The following SMURF2 variants were observed in gnomAD, a reference collection of about 807,000 sequenced individuals.
The protein encoded by SMURF2 is E3 ubiquitin-protein ligase SMURF2.
A neutral mutation model predicts 109.6 loss-of-function variants in SMURF2; 48 were observed. The ratio of observed to expected loss-of-function variants is 0.44; its 90% CI spans 0.35 to 0.56. The LOEUF is 0.56. Among genes scored for constraint, SMURF2 ranks in the 20% least tolerant of loss-of-function variants. The probability of loss-of-function intolerance (pLI) is 0.01; values close to 1 mark genes in which losing one functional copy is unlikely to be tolerated. For synonymous variants in SMURF2, 288 were observed against 317.1 expected (o/e 0.91, Z 0.97); for missense variants, 575 against 909.0 (o/e 0.63, Z 4.72).
At chr17:64,617,822 T>G (rs894217490) in intron 1 of SMURF2, among the ~76,000 whole-genome samples, 2 of 152,214 alleles carry the variant, frequency 1.3e-5, no homozygotes, top group Non-Finnish European at 2.9e-5. Context: ...AAACAACTTT[T>G]AAGTAACTAC....
At chr17:64,636,217 T>C (rs1555692056) in intron 1 of SMURF2, among the ~76,000 whole-genome samples, 1 of 152,168 alleles carries the variant, frequency 6.6e-6, no homozygotes, top group Non-Finnish European at 1.5e-5. Flanking sequence ...CCTCAGCCTC[T>C]CAAGTAGCTG....
At chr17:64,562,334 C>T (rs569289704) in intron 11 of SMURF2, among the ~76,000 whole-genome samples, 1 of 142,718 alleles carries the variant, frequency 7.0e-6, no homozygotes, top group Non-Finnish European at 1.5e-5. Flanking sequence ...GAAAAATTAG[C>T]ACTCTCGGTA....
chr17:64,575,116 TAA>T (rs555685824), intron 9 of SMURF2, among the ~76,000 whole-genome samples: 5 of 143,478 alleles, frequency 3.5e-5, no homozygotes, highest in African/African-American at 7.6e-5. Context: ...TTAGTAAGCT[TAA>T]AAAAAAAAAA....
chr17:64,656,819 T>C (rs1970712275), intron 1 of SMURF2, among the ~76,000 whole-genome samples: 1 of 152,222 alleles, frequency 6.6e-6, no homozygotes. Context: ...GTCTTCATGG[T>C]TCCCATTCCA....
intron 6 of SMURF2, among the ~76,000 whole-genome samples, chr17:64,584,378 G>A (rs1308506140): frequency 2.3e-5 from 1 of 42,752 alleles, no homozygotes; most frequent in Non-Finnish European, 4.1e-5. Context: ...TTTTTTTTTT[G>A]AGACAGAGTC....
Position 64,547,804 on chromosome 17 carries a change from G to A in SMURF2, c.1870-3C>T. On this transcript the variant is annotated splice_region_variant and splice_polypyrimidine_tract_variant and intron_variant, in intron 16 of 18. Coordinates refer to ENST00000262435, the MANE Select transcript of SMURF2 (RefSeq NM_022739.4). The surrounding 1 kb of genome is among the most constrained non-coding windows in gnomAD (Gnocchi z 4.2). The stretch of plus-strand genomic sequence containing the variant: ...TTTCCAAGTCCACAAATAATGAGCT[G>A]TGAAAATAGTACACAGTAATGAACC... The A allele has an allele frequency of 6.2e-7, 1 of 1,613,898 alleles. No individual in the cohort carries two copies. The highest frequency in any genetic ancestry group is 8.5e-7 in the Non-Finnish European group (1 of 1,179,782).
Position 64,555,972 on chromosome 17 carries a change from A to C in SMURF2, c.1458T>G (p.Val486=). Residue 486 remains valine (V), a synonymous_variant, in exon 14 of 19, where the codon GTT becomes GTG. Coordinates refer to ENST00000262435, the MANE Select transcript of SMURF2 (RefSeq NM_022739.4). ...ACACAGCCATTCCCATTATTCGTCC[A>C]ACAAAGTGGAAATAGGATAAATGTT... The part of the protein sequence containing the change: ...NPEHLSYFHF[V]GRIMGMAVFH... The C allele has an allele frequency of 6.2e-7, 1 of 1,612,350 alleles. No individual in the cohort carries two copies. The highest frequency in any genetic ancestry group is 8.5e-7 in the Non-Finnish European group (1 of 1,179,012).
intron 1 of SMURF2, among the ~76,000 whole-genome samples, chr17:64,611,765 C>T (rs1970047720): frequency 6.6e-6 from 1 of 152,114 alleles, no homozygotes; most frequent in Non-Finnish European, 1.5e-5. Flanking sequence ...TAAGTCTTTC[C>T]ATCCATTTCC....
intron 1 of SMURF2, among the ~76,000 whole-genome samples, chr17:64,640,023 A>G (rs189032704): frequency 2.0e-4 from 30 of 152,342 alleles, no homozygotes; most frequent in Non-Finnish European, 3.8e-4. Context: ...TTAATAGGGA[A>G]AACTGGTTAT....
chr17:64,562,933 C>G lies in SMURF2; in HGVS notation c.1050G>C (p.Gln350His), dbSNP rs1598272669. ...CATCAGGACATAACGATACCACTTG[C>G]TGTTGCTGTTGGTCTTTCAATTGGT... ...RQNQLKDQQQ[Q>H]QVVSLCPDDT... is the part of the protein sequence containing the mutation. The change falls in exon 11 of 19, where the codon CAG (glutamine) becomes CAC (histidine). Residue 350 changes from glutamine to histidine, a missense_variant. This residue lies in a region of SMURF2 where 361 missense variants were observed against 612.1 expected (regional missense o/e 0.59). Coordinates refer to ENST00000262435, the MANE Select transcript of SMURF2 (RefSeq NM_022739.4). 1 of 1,613,864 alleles carries G rather than the reference C, an allele frequency of 6.2e-7. No individual in the cohort carries two copies. The highest frequency in any genetic ancestry group is 2.2e-5 in the East Asian group (1 of 44,880).
intron 2 of SMURF2, among the ~76,000 whole-genome samples, chr17:64,601,274 G>C (rs1969892184): frequency 6.6e-6 from 1 of 151,648 alleles, no homozygotes; most frequent in Admixed American, 6.6e-5. Flanking sequence ...AAAAGATTAA[G>C]GATTAAGAAA....
intron 1 of SMURF2, among the ~76,000 whole-genome samples, chr17:64,655,469 GCTGGTC>G (rs1285447347): frequency 3.3e-5 from 5 of 151,480 alleles, no homozygotes; most frequent in Admixed American, 1.3e-4. Context: ...TGTTGGCCAG[GCTGGTC>G]TCAAACTCCT....
At chr17:64,604,130 T>C (rs1454291070) in intron 2 of SMURF2, among the ~76,000 whole-genome samples, 2 of 152,216 alleles carry the variant, frequency 1.3e-5, no homozygotes, top group East Asian at 3.8e-4. Flanking sequence ...TAAGTATACA[T>C]GTAAATCTAC....
chr17:64,572,013 C>A (rs2144622004), intron 9 of SMURF2, 57 bp from the exon 10 acceptor site: 1 of 1,474,502 alleles, frequency 6.8e-7, no homozygotes, highest in South Asian at 1.3e-5. Context: ...CTGAACCAAG[C>A]AAGTGTAAAT....
intron 10 of SMURF2, among the ~76,000 whole-genome samples, chr17:64,568,306 A>T (rs1273607144): frequency 1.3e-5 from 2 of 152,136 alleles, no homozygotes; most frequent in African/African-American, 4.8e-5. Flanking sequence ...AATGGTTTTT[A>T]AGAAGGTTTA....
At chr17:64,583,434 C>T in intron 7 of SMURF2, 27 bp downstream of exon 7, 1 of 1,578,172 alleles carries the variant, frequency 6.3e-7, no homozygotes. Context: ...TGGCATAGAT[C>T]ATGAGAAAAT....
At chr17:64,575,342 G>C (rs979895858) in intron 9 of SMURF2, among the ~76,000 whole-genome samples, 13 of 151,658 alleles carry the variant, frequency 8.6e-5, no homozygotes, top group African/African-American at 3.2e-4. Context: ...TAGTAGAGAC[G>C]GGTTTTCACC....
intron 2 of SMURF2, among the ~76,000 whole-genome samples, chr17:64,605,775 A>ATC (rs1555688995): frequency 2.2e-5 from 3 of 139,012 alleles, no homozygotes; most frequent in East Asian, 3.9e-4. Flanking sequence ...ATATATATAT[A>ATC]TCTTATTTCT....
At chr17:64,651,572 A>AG (rs1598317693) in intron 1 of SMURF2, among the ~76,000 whole-genome samples, 1 of 142,976 alleles carries the variant, frequency 7.0e-6, no homozygotes, top group East Asian at 1.9e-4. Context: ...ACCCTACCTC[A>AG]GAAAAAAAAA....
Sources: gnomAD v4.1 joint callset for allele counts (sites outside exome capture counted in the v4.1 genomes callset) on GRCh38, gnomAD v4.1.1 for gene constraint, gnomAD v4.1.1 regional missense constraint, Gnocchi (gnomAD v3.1) non-coding constraint, MANE v1.5 for transcripts, NCBI Gene and HGNC (gene_info 2026-07-23, HGNC 2026-07-21) for gene names.